Variants in PPP6R3 observed in about 807,000 individuals in gnomAD.
PPP6R3 encodes the protein serine/threonine-protein phosphatase 6 regulatory subunit 3.
Under a neutral mutation model 110.7 loss-of-function variants are expected in PPP6R3, and 38 were observed. The ratio of observed to expected loss-of-function variants is 0.34; its 90% CI spans 0.26 to 0.45. The LOEUF (loss-of-function observed/expected upper bound fraction) is 0.45, where lower values mean the gene tolerates loss of function less well. Among genes scored for constraint, PPP6R3 ranks in the 20% least tolerant of loss-of-function variants. The pLI is 1.00. For missense variants in PPP6R3, 870 were observed against 1,062.4 expected (o/e 0.82, Z 2.52); for synonymous variants, 369 against 373.5 (o/e 0.99, Z 0.14).
intron 3 of PPP6R3, among the ~76,000 whole-genome samples, chr11:68,544,406 A>G (rs1024210590): frequency 6.6e-6 from 1 of 152,214 alleles, no homozygotes; most frequent in African/African-American, 2.4e-5. Flanking sequence ...AGTCATTACA[A>G]GGTGCTGCAT....
At chr11:68,554,311 G>A in intron 7 of PPP6R3, 54 bp downstream of exon 7, 1 of 1,368,236 alleles carries the variant, frequency 7.3e-7, no homozygotes, top group Non-Finnish European at 1.0e-6. Context: ...TGTTCCATGT[G>A]TTACCATTGT....
At chr11:68,500,897 G>C (rs1382420554) in intron 1 of PPP6R3, among the ~76,000 whole-genome samples, 2 of 152,206 alleles carry the variant, frequency 1.3e-5, no homozygotes, top group African/African-American at 4.8e-5. Flanking sequence ...AATTCATTTA[G>C]ACCAGAGCTG....
At chr11:68,546,561 C>T (rs2099350076) in intron 4 of PPP6R3, among the ~76,000 whole-genome samples, 1 of 152,186 alleles carries the variant, frequency 6.6e-6, no homozygotes, top group Non-Finnish European at 1.5e-5. Context: ...TAAGATCAAA[C>T]TTGGCATTTC....
chr11:68,580,369 T>C (rs1274270235), intron 14 of PPP6R3, among the ~76,000 whole-genome samples: 1 of 152,164 alleles, frequency 6.6e-6, no homozygotes, highest in Non-Finnish European at 1.5e-5. Flanking sequence ...GCTGTGGCTA[T>C]TGGGTTGAGA....
chr11:68,483,769 A>C (rs1260637622), intron 1 of PPP6R3, among the ~76,000 whole-genome samples: 1 of 152,228 alleles, frequency 6.6e-6, no homozygotes, highest in African/African-American at 2.4e-5. Context: ...GGCGTGAGCC[A>C]CTGTGCCCAG....
chr11:68,499,871 G>C (rs2099039175), intron 1 of PPP6R3, among the ~76,000 whole-genome samples: 1 of 152,138 alleles, frequency 6.6e-6, no homozygotes, highest in Non-Finnish European at 1.5e-5. Context: ...ACTGTGCCCA[G>C]CTGAGATGTA....
intron 2 of PPP6R3, among the ~76,000 whole-genome samples, chr11:68,520,398 GTCTTTT>G (rs1245631277): frequency 1.3e-5 from 2 of 152,176 alleles, no homozygotes; most frequent in African/African-American, 4.8e-5. Flanking sequence ...TCTTGCAACT[GTCTTTT>G]TCTTTTTGTT....
chr11:68,604,083 C>A (rs771209366), intron 22 of PPP6R3, among the ~76,000 whole-genome samples: 17 of 152,172 alleles, frequency 1.1e-4, no homozygotes, highest in Admixed American at 4.6e-4. Context: ...TCTTAGAGAC[C>A]ATTCCAGCCA....
rs753750275 is a variant in PPP6R3 at position 68,554,159 on chromosome 11, A to G, written c.633A>G (p.Ala211=). The change falls in exon 7 of 24, where the codon GCA becomes GCG. Residue 211 remains alanine, a synonymous_variant. Transcript: ENST00000393800. ...PSQEEDRHSN[A]SQSLCEIVRL... ...TTTTCCTTTAGCGACATTCAAATGC[A>G]TCACAATCACTTTGTGAAATTGTTC... 1.9e-6 allele frequency: 3 copies of G among 1,612,200 alleles called. No homozygotes were observed. Among genetic ancestry groups the G allele is most frequent in the Non-Finnish European group, 2.5e-6 (3 of 1,179,152 alleles).
chr11:68,522,028 A>G (rs577688044), intron 2 of PPP6R3, among the ~76,000 whole-genome samples: 5 of 152,352 alleles, frequency 3.3e-5, no homozygotes, highest in Non-Finnish European at 5.9e-5. Flanking sequence ...ATTCTCTATC[A>G]GTCCCCAAGC....
intron 9 of PPP6R3, among the ~76,000 whole-genome samples, chr11:68,566,622 A>G (rs141758259): frequency 0.01 from 1,567 of 152,172 alleles, 10 homozygotes; most frequent in Middle Eastern, 0.031. Flanking sequence ...CGGCCTCTCA[A>G]AGTGCTGGGA....
chr11:68,615,318 T>G lies in PPP6R3; in HGVS notation c.*2201T>G, dbSNP rs1209422790. 2 of 353,482 alleles carry G rather than the reference T, an allele frequency of 5.7e-6. No individual in the cohort carries two copies. Among genetic ancestry groups the G allele is most frequent in the African/African-American group, 2.2e-5 (1 of 46,408 alleles). 21.9% of individuals were successfully genotyped at this position (353,482 alleles called of 1,614,324 possible). On this transcript the variant is annotated 3_prime_UTR_variant, in exon 24 of 24. Coordinates refer to ENST00000393800, the MANE Select transcript of PPP6R3 (RefSeq NM_001164161.2). ...TCAAAATAACAAAAATAAAGCCTGA[T>G]TCTTTGTTTCTAGAAATCTCTTGTA...
intron 1 of PPP6R3, among the ~76,000 whole-genome samples, chr11:68,484,269 A>G (rs1482037811): frequency 6.6e-6 from 1 of 152,204 alleles, no homozygotes; most frequent in Non-Finnish European, 1.5e-5. Context: ...CAGAAAGAGT[A>G]TGTTTGCTGT....
intron 18 of PPP6R3, among the ~76,000 whole-genome samples, chr11:68,594,812 C>T (rs547316212): frequency 6.6e-6 from 1 of 152,148 alleles, no homozygotes; most frequent in Non-Finnish European, 1.5e-5. Context: ...GGAGGACAAA[C>T]ACTACCTTAT....
intron 17 of PPP6R3, among the ~76,000 whole-genome samples, chr11:68,591,205 G>T (rs1405917839): frequency 6.6e-6 from 1 of 152,186 alleles, no homozygotes; most frequent in Non-Finnish European, 1.5e-5. Context: ...GCCATTGAAG[G>T]TTATCACTGC....
At chr11:68,594,265 GGAGAGAGAGAGA>G (rs56125097) in intron 18 of PPP6R3, among the ~76,000 whole-genome samples, 57 of 137,032 alleles carry the variant, frequency 4.2e-4, no homozygotes, top group African/African-American at 1.3e-3. Context: ...TAAAAAAGGG[GGAGAGAGAGAGA>G]GAGAGAGAGA....
chr11:68,559,441 T>G (rs2099410876), intron 8 of PPP6R3, among the ~76,000 whole-genome samples: 2 of 152,232 alleles, frequency 1.3e-5, no homozygotes, highest in Admixed American at 1.3e-4. Context: ...GAATTTTGTA[T>G]TTTTTACCCC....
At chr11:68,523,664 T>C (rs2099176536) in intron 2 of PPP6R3, among the ~76,000 whole-genome samples, 1 of 150,318 alleles carries the variant, frequency 6.7e-6, no homozygotes, top group Non-Finnish European at 1.5e-5. Flanking sequence ...TTTGTTAAGC[T>C]CTGGGAGAAT....
chr11:68,601,164 T>C (rs181570036), intron 20 of PPP6R3, among the ~76,000 whole-genome samples: 7 of 152,334 alleles, frequency 4.6e-5, no homozygotes, highest in Admixed American at 1.3e-4. Context: ...TAATGAGTTA[T>C]TTCGTCTACC....
Sources: allele counts gnomAD v4.1 joint callset (sites outside exome capture counted in the v4.1 genomes callset), GRCh38; gene constraint gnomAD v4.1.1; transcripts MANE v1.5; gene names NCBI Gene and HGNC (gene_info 2026-07-23, HGNC 2026-07-21).